Variants in KDM4C observed in about 807,000 individuals in gnomAD.
KDM4C encodes lysine-specific demethylase 4C.
In KDM4C, 81 loss-of-function variants were observed where a neutral mutation model predicts 129.3. That is an observed-to-expected ratio of 0.63 (90% confidence interval 0.52 to 0.75). The LOEUF is 0.75. Among genes scored for constraint, KDM4C ranks in the 30% least tolerant of loss-of-function variants. The probability of loss-of-function intolerance (pLI) is 0.00; values close to 1 mark genes in which losing one functional copy is unlikely to be tolerated. For synonymous variants in KDM4C, 573 were observed against 456.1 expected, an observed-to-expected ratio of 1.26 and a Z score of -3.26; for missense variants, 1,457 against 1,304.0, an observed-to-expected ratio of 1.12 and a Z score of -1.81.
At chr9:6,752,546 G>A (rs915869631) in intron 1 of KDM4C, among the ~76,000 whole-genome samples, 12 of 150,794 alleles carry the variant, frequency 8.0e-5, no homozygotes, top group Non-Finnish European at 1.6e-4. Flanking sequence ...GAGTAGCTGG[G>A]TTTACAGGCA....
chr9:7,081,725 A>G (rs1287515989), intron 17 of KDM4C, among the ~76,000 whole-genome samples: 1 of 152,224 alleles, frequency 6.6e-6, no homozygotes, highest in African/African-American at 2.4e-5. Context: ...GCATGAGGAA[A>G]TGTTCGTGTT....
intron 8 of KDM4C, among the ~76,000 whole-genome samples, chr9:6,967,444 G>A (rs1398688913): frequency 6.8e-6 from 1 of 147,602 alleles, no homozygotes; most frequent in Non-Finnish European, 1.5e-5. Context: ...AAAAAAAATT[G>A]TACAGACTCT....
intron 8 of KDM4C, among the ~76,000 whole-genome samples, chr9:6,921,209 C>A (rs1202725331): frequency 2.0e-5 from 3 of 152,118 alleles, no homozygotes; most frequent in African/African-American, 4.8e-5. Context: ...AGTCTTGCAA[C>A]TTTAAATATT....
At chr9:6,854,262 C>G (rs1458261570) in intron 5 of KDM4C, among the ~76,000 whole-genome samples, 1 of 152,054 alleles carries the variant, frequency 6.6e-6, no homozygotes, top group Non-Finnish European at 1.5e-5. Flanking sequence ...GGTGCGGTGG[C>G]TCACGCCTGT....
intron 8 of KDM4C, among the ~76,000 whole-genome samples, chr9:6,927,949 G>C (rs755175551): frequency 2.0e-5 from 3 of 151,616 alleles, no homozygotes; most frequent in Non-Finnish European, 4.4e-5. Context: ...TTGAACTTTT[G>C]GTATCATCCT....
At chr9:7,085,537 C>G (rs886844904) in intron 17 of KDM4C, among the ~76,000 whole-genome samples, 3 of 152,142 alleles carry the variant, frequency 2.0e-5, no homozygotes, top group Non-Finnish European at 4.4e-5. Flanking sequence ...CCTGGAACAG[C>G]TCTGGTCTAG....
intron 8 of KDM4C, among the ~76,000 whole-genome samples, chr9:6,960,754 C>T (rs1293962379): frequency 1.3e-5 from 2 of 152,158 alleles, no homozygotes; most frequent in African/African-American, 2.4e-5. Flanking sequence ...CTCCAAGTTG[C>T]TTAGACCCAG....
In KDM4C at chr9:7,108,254, T is replaced by G. The variant is rs187612223; in HGVS notation, c.2610+4384T>G. Among the ~76,000 whole-genome samples the G allele has an allele frequency of 2.4e-3, 359 of 152,234 alleles. 1 individual carries two copies. The highest frequency in any genetic ancestry group is 4.0e-3 in the Non-Finnish European group (271 of 68,008). ...TGCTTTTTTGTTTTTTATTTTTTTT[T>G]GGGACAGGGTCTTACTCTGTTACCC... On this transcript the variant is annotated intron_variant, in intron 18 of 21. Coordinates refer to ENST00000381309, the MANE Select transcript of KDM4C (RefSeq NM_015061.6).
At chr9:6,784,582 C>T (rs1273175695) in intron 1 of KDM4C, among the ~76,000 whole-genome samples, 1 of 152,190 alleles carries the variant, frequency 6.6e-6, no homozygotes, top group Non-Finnish European at 1.5e-5. Flanking sequence ...TCCTTTTGGT[C>T]TAGGATCCAA....
chr9:6,840,612 G>T (rs1836741921), intron 4 of KDM4C, among the ~76,000 whole-genome samples: 1 of 152,088 alleles, frequency 6.6e-6, no homozygotes, highest in Non-Finnish European at 1.5e-5. Flanking sequence ...GGCCAGGCTG[G>T]TCTCAAACTT....
At chr9:6,938,782 A>G (rs1825284187) in intron 8 of KDM4C, among the ~76,000 whole-genome samples, 1 of 152,148 alleles carries the variant, frequency 6.6e-6, no homozygotes, top group Non-Finnish European at 1.5e-5. Flanking sequence ...TTGGAAAGAG[A>G]AGAGTCTGAG....
At chr9:6,784,572 T>A (rs1032306709) in intron 1 of KDM4C, among the ~76,000 whole-genome samples, 21 of 152,098 alleles carry the variant, frequency 1.4e-4, no homozygotes, top group Middle Eastern at 3.4e-3. Context: ...GAAAAAAAAA[T>A]CCTTTTGGTC....
chr9:7,000,303 A>G (rs1289353860), intron 12 of KDM4C, among the ~76,000 whole-genome samples: 6 of 152,200 alleles, frequency 3.9e-5, no homozygotes, highest in Non-Finnish European at 8.8e-5. Context: ...ATTAGAGACA[A>G]AAATGCTGGC....
chr9:7,037,861 G>T (rs950082618), intron 15 of KDM4C, among the ~76,000 whole-genome samples: 5 of 152,122 alleles, frequency 3.3e-5, no homozygotes, highest in Admixed American at 2.0e-4. Context: ...TTTGTTTTGG[G>T]GAACATTGGC....
At chr9:6,814,563 C>T in intron 3 of KDM4C, 68 bp from the exon 4 acceptor site, 1 of 947,284 alleles carries the variant, frequency 1.1e-6, no homozygotes, top group Non-Finnish European at 1.6e-6. Context: ...TGATTTAAAT[C>T]AATTTGGTGG....
At chr9:7,014,270 G>A (rs1055795201) in intron 14 of KDM4C, 141 of 332,598 alleles carry the variant, frequency 4.2e-4, no homozygotes, top group African/African-American at 2.9e-3. Context: ...TCATGATGGG[G>A]TTCCTTTCAC....
intron 8 of KDM4C, among the ~76,000 whole-genome samples, chr9:6,935,525 C>G (rs1047716172): frequency 6.6e-6 from 1 of 151,600 alleles, no homozygotes; most frequent in African/African-American, 2.4e-5. Context: ...TCAAGAGATT[C>G]TCCTGCCTTG....
At chr9:7,066,894 C>T (rs571886552) in intron 17 of KDM4C, among the ~76,000 whole-genome samples, 1 of 152,164 alleles carries the variant, frequency 6.6e-6, no homozygotes, top group Non-Finnish European at 1.5e-5. Flanking sequence ...TTACGTTTCT[C>T]AAAGCAATTC....
rs1563850249 is a variant in KDM4C, at chr9:6,940,034, T to TTCC, written c.922-40890_922-40889insCCT. ...CCTTCCTTCCTTCCTTCCTTCCTTC[T>TTCC]TTCCTTCCTTCCCTCCTTCCCTCCT... On this transcript the variant is annotated intron_variant, in intron 8 of 21. Coordinates refer to ENST00000381309, the MANE Select transcript of KDM4C (RefSeq NM_015061.6). 8.7e-3 allele frequency among the ~76,000 whole-genome samples: 613 copies of TTCC among 70,750 alleles called. 14 individuals are homozygous for TTCC. The highest frequency in any genetic ancestry group is 0.011 in the African/African-American group (182 of 15,920). 46.4% of individuals were successfully genotyped at this position (70,750 alleles called of 152,430 possible). A position where few individuals can be genotyped will look rare whatever the true frequency, so the allele number is the denominator to read the frequency against.
Sources: gnomAD v4.1 joint callset for allele counts (sites outside exome capture counted in the v4.1 genomes callset) on GRCh38, gnomAD v4.1.1 for gene constraint, MANE v1.5 for transcripts, NCBI Gene and HGNC (gene_info 2026-07-23, HGNC 2026-07-21) for gene names.